Variants in OTUD7B observed in about 807,000 individuals in gnomAD.
OTUD7B encodes OTU domain-containing protein 7B.
A neutral mutation model predicts 82.2 loss-of-function variants in OTUD7B; 34 were observed. That is an observed-to-expected ratio of 0.41 (90% CI 0.31 to 0.55). OTUD7B has a LOEUF of 0.55. Ranked by LOEUF, OTUD7B falls within the 20% of genes least tolerant of loss-of-function variation. OTUD7B has a pLI of 0.20. For missense variants in OTUD7B, 944 were observed against 1,062.1 expected (o/e 0.89, Z 1.55); for synonymous variants, 398 against 402.7 (o/e 0.99, Z 0.14).
chr1:150,044,975 C>T, the OTUD7B span, among the ~76,000 whole-genome samples: 14 of 151,968 alleles, frequency 9.2e-5, no homozygotes, highest in Admixed American at 3.9e-4. Context: ...TTATAGCCAA[C>T]GTCCCTAAAC....
rs1553771625 is a variant in OTUD7B at position 149,944,764 on chromosome 1, C to G, written c.1625G>C (p.Ser542Thr). Residue 542 changes from serine to threonine, a missense_variant, in exon 12 of 12, where the codon AGC becomes ACC. By Grantham distance (58) the Ser-to-Thr change is moderately conservative. This residue lies in a region of OTUD7B where 412 missense variants were observed against 418.7 expected (regional missense o/e 0.98). Transcript: ENST00000581312. ...PGGVGTGLGG[S>T]SGTETLEKKK... ...CTTCTCCAGTGTCTCAGTGCCGCTGCTTCCTCCCAACCCTGTCCCCACCCC... is the reference window on the plus strand; with the variant it reads ...CTTCTCCAGTGTCTCAGTGCCGCTGGTTCCTCCCAACCCTGTCCCCACCCC... 6.2e-7 allele frequency: 1 copy of G among 1,614,078 alleles called. No homozygotes were observed. The highest frequency in any genetic ancestry group is 1.3e-5 in the African/African-American group (1 of 75,014).
chr1:149,998,669 A>G (rs1553783928), intron 1 of OTUD7B, among the ~76,000 whole-genome samples: 2 of 152,160 alleles, frequency 1.3e-5, no homozygotes, highest in African/African-American at 4.8e-5. Context: ...TTGTATTACT[A>G]TTTATCTATT....
intron 7 of OTUD7B, among the ~76,000 whole-genome samples, chr1:149,957,213 G>A (rs587631619): frequency 6.6e-6 from 1 of 151,828 alleles, no homozygotes; most frequent in South Asian, 2.1e-4. Context: ...TACAGATGGG[G>A]TATTGGTGTG....
intron 11 of OTUD7B, among the ~76,000 whole-genome samples, chr1:149,945,845 G>A (rs1250098815): frequency 6.6e-6 from 1 of 151,964 alleles, no homozygotes; most frequent in Non-Finnish European, 1.5e-5. Flanking sequence ...TGGATCACCT[G>A]AGGTCGGGAG....
chr1:149,944,122 T>TTA lies in OTUD7B; in HGVS notation c.2265_2266dup (p.Lys756IlefsTer73). 2 of 1,614,068 alleles carry TTA rather than the reference T, an allele frequency of 1.2e-6. No homozygotes were observed. The highest frequency in any genetic ancestry group is 1.7e-6 in the Non-Finnish European group (2 of 1,179,982). ...CAAGGCACCCCTGTGAAGTCCATCC[T>TTA]TAGAGTGGCTGCCTGGCTCCAGAGA... On this transcript the variant is annotated frameshift_variant, in exon 12 of 12. Transcript: ENST00000581312. LOFTEE classifies it high-confidence loss of function.
rs1553771059 is a variant in OTUD7B, at chr1:149,943,848, T to C, written c.*9A>G. ...GTTTAGCCTCCTTGCCCTTCAGTGT[T>C]CCACCCGTTCAGAACCTGTGCACCA... On this transcript the variant is annotated 3_prime_UTR_variant, in exon 12 of 12. Transcript: ENST00000581312. The C allele has an allele frequency of 2.5e-6, 4 of 1,613,292 alleles. No homozygotes were observed. The highest frequency in any genetic ancestry group is 3.4e-6 in the Non-Finnish European group (4 of 1,179,502).
chr1:149,982,841 C>CTTT (rs34122678), intron 1 of OTUD7B, among the ~76,000 whole-genome samples: 75,705 of 84,182 alleles, frequency 0.9, 34,487 homozygotes, highest in East Asian at 0.96. Flanking sequence ...TCCTCTCTTA[C>CTTT]TTTTTTTTTT....
rs1478943267 is a variant in OTUD7B, at chr1:149,938,506, A to G, written c.*5351T>C. 1 of 142,936 alleles carries G rather than the reference A, an allele frequency of 7.0e-6. No homozygotes were observed. Among genetic ancestry groups the G allele is most frequent in the East Asian group, 2.1e-4 (1 of 4,782 alleles). The allele number at this position is 142,936 out of a possible 1,614,324, so 8.9% of individuals were successfully genotyped here. ...AGACATAGGAAGAGGTGTGTACCATAACTTTTAAATCCCATTATCCACTTT... is the reference window on the plus strand; with the variant it reads ...AGACATAGGAAGAGGTGTGTACCATGACTTTTAAATCCCATTATCCACTTT... On this transcript the variant is annotated 3_prime_UTR_variant, in exon 12 of 12. Transcript: ENST00000581312.
Position 149,950,221 on chromosome 1 carries a change from C to T in OTUD7B, c.846G>A (p.Gly282=). Residue 282 remains glycine (G), a splice_region_variant and synonymous_variant, in exon 8 of 12, where the codon GGG becomes GGA. Coordinates refer to ENST00000581312, the MANE Select transcript of OTUD7B (RefSeq NM_020205.4). ...ATACAGGCTCCTCAGAACTCTCCACCCTGGAACGACGGGAAGGGAGAGAGT... is the reference window on the plus strand; with the variant it reads ...ATACAGGCTCCTCAGAACTCTCCACTCTGGAACGACGGGAAGGGAGAGAGT... ...HLGTNGANCG[G]VESSEEPVYE... The T allele has an allele frequency of 6.2e-7, 1 of 1,613,964 alleles. No individual in the cohort carries two copies. Among genetic ancestry groups the T allele is most frequent in the Non-Finnish European group, 8.5e-7 (1 of 1,179,972 alleles).
At chr1:150,038,092 C>A in the OTUD7B span, among the ~76,000 whole-genome samples, 1 of 151,402 alleles carries the variant, frequency 6.6e-6, no homozygotes, top group East Asian at 2.0e-4. Flanking sequence ...CTCCTGTGCT[C>A]AAGCAGTCCA....
chr1:149,956,534 G>A (rs587708903), intron 7 of OTUD7B, among the ~76,000 whole-genome samples: 1 of 152,132 alleles, frequency 6.6e-6, no homozygotes, highest in Non-Finnish European at 1.5e-5. Flanking sequence ...TTCTCAAGGA[G>A]TATCTTTGTG....
chr1:150,042,484 T>C, the OTUD7B span, among the ~76,000 whole-genome samples: 2 of 151,954 alleles, frequency 1.3e-5, no homozygotes, highest in East Asian at 3.9e-4. Context: ...CCAAGAGTTC[T>C]TTTTACCTTA....
chr1:149,947,693 T>C lies in OTUD7B; in HGVS notation c.1239-358A>G, dbSNP rs1647861946. On this transcript the variant is annotated intron_variant, in intron 10 of 11. Transcript: ENST00000581312. ...TTATTTAGAAGGAGCTTTTGATAAATAGGTGAGAGGTTATTTTTAAAAAGC... is the reference window on the plus strand; with the variant it reads ...TTATTTAGAAGGAGCTTTTGATAAACAGGTGAGAGGTTATTTTTAAAAAGC... 2.0e-5 allele frequency among the ~76,000 whole-genome samples: 3 copies of C among 152,030 alleles called. No homozygotes were observed. The South Asian group carries it at 6.2e-4, about 32-fold the overall frequency.
chr1:149,947,242 A>C lies in OTUD7B; in HGVS notation c.1323+9T>G, dbSNP rs1312065087. The C allele has an allele frequency of 6.6e-7, 1 of 1,524,688 alleles. No individual in the cohort carries two copies. The highest frequency in any genetic ancestry group is 1.4e-5 in the African/African-American group (1 of 73,142). 94.4% of individuals were successfully genotyped at this position (1,524,688 alleles called of 1,614,324 possible). On this transcript the variant is annotated intron_variant, in intron 11 of 11. Coordinates refer to ENST00000581312, the MANE Select transcript of OTUD7B (RefSeq NM_020205.4). ...GACACACCAGGGTAGATGTGGGAGA[A>C]GTCTTCACCTGTGCATCAGAGGACA...
rs990829372 is a variant in OTUD7B, at chr1:149,943,401, C to T, written c.*456G>A. 1 of 160,964 alleles carries T rather than the reference C, an allele frequency of 6.2e-6. No homozygotes were observed. 10.0% of individuals were successfully genotyped at this position (160,964 alleles called of 1,614,324 possible). ...TCAATAGCAAATGTGTCCAATTTCC[C>T]ACTTCCCCTCCACACTTCTCACTCC... On this transcript the variant is annotated 3_prime_UTR_variant, in exon 12 of 12. Coordinates refer to ENST00000581312, the MANE Select transcript of OTUD7B (RefSeq NM_020205.4).
rs781938504 is a variant in OTUD7B, at chr1:149,940,374, G to T, written c.*3483C>A. The T allele has an allele frequency of 6.6e-6, 1 of 152,116 alleles. No individual in the cohort carries two copies. Among genetic ancestry groups the T allele is most frequent in the Non-Finnish European group, 1.5e-5 (1 of 68,042 alleles). The allele number at this position is 152,116 out of a possible 1,614,324, so 9.4% of individuals were successfully genotyped here. A position where few individuals can be genotyped will look rare whatever the true frequency, so the allele number is the denominator to read the frequency against. Reference sequence around the variant, plus strand: ...TATTTTGTTGATAAAAACCAGTATGGAGGAAAAACTTCTGGTTAAATCTTG... The same window carrying T: ...TATTTTGTTGATAAAAACCAGTATGTAGGAAAAACTTCTGGTTAAATCTTG... On this transcript the variant is annotated 3_prime_UTR_variant, in exon 12 of 12. Transcript: ENST00000581312.
chr1:150,015,665 G>A, upstream of OTUD7B, among the ~76,000 whole-genome samples: 1 of 152,128 alleles, frequency 6.6e-6, no homozygotes, highest in Middle Eastern at 3.2e-3. Context: ...TAGCAAACAT[G>A]TTGGTTGCTT....
rs1553771456 is a variant in OTUD7B, at chr1:149,944,481, C to T, written c.1908G>A (p.Glu636=). ...GCTTCTGTTCTGCCAGGAATCTCTC[C>T]TCAGCATCAGAAAGGTAGCGCTGGA... ...EMIQRYLSDA[E]ERFLAEQKQK... Residue 636 remains glutamate (E), a synonymous_variant, in exon 12 of 12, where the codon GAG becomes GAA. Coordinates refer to ENST00000581312, the MANE Select transcript of OTUD7B (RefSeq NM_020205.4). 3.1e-6 allele frequency: 5 copies of T among 1,614,172 alleles called. No homozygotes were observed. The highest frequency in any genetic ancestry group is 4.2e-6 in the Non-Finnish European group (5 of 1,180,032).
the OTUD7B span, among the ~76,000 whole-genome samples, chr1:150,036,011 T>C: frequency 6.9e-6 from 1 of 144,770 alleles, no homozygotes; most frequent in Non-Finnish European, 1.5e-5. Context: ...TGGAGTGCAA[T>C]GGTGCAAACT....
Sources: allele counts gnomAD v4.1 joint callset (sites outside exome capture counted in the v4.1 genomes callset), GRCh38; gene constraint gnomAD v4.1.1; regional missense constraint gnomAD v4.1.1; transcripts MANE v1.5; gene names NCBI Gene and HGNC (gene_info 2026-07-23, HGNC 2026-07-21).